Variants in FHOD3 observed in about 807,000 individuals in gnomAD.
The protein encoded by FHOD3 is formin homology 2 domain containing 3, also known as FH1/FH2 domain-containing protein 3.
In FHOD3, 90 loss-of-function variants were observed where a neutral mutation model predicts 173.0. The ratio of observed to expected loss-of-function variants is 0.52; its 90% CI spans 0.44 to 0.62. The LOEUF (loss-of-function observed/expected upper bound fraction) is 0.62, where lower values mean the gene tolerates loss of function less well. FHOD3 is among the 20% of genes least tolerant of loss of function. FHOD3 has a pLI of 0.00. For missense variants in FHOD3, 1,945 were observed against 2,034.7 expected, an observed-to-expected ratio of 0.96 and a Z score of 0.85; for synonymous variants, 828 against 823.0, an observed-to-expected ratio of 1.01 and a Z score of -0.10.
intron 3 of FHOD3, among the ~76,000 whole-genome samples, chr18:36,408,494 G>T (rs537400071): frequency 6.6e-6 from 1 of 152,272 alleles, no homozygotes; most frequent in South Asian, 2.1e-4. Context: ...GCATGGGGGG[G>T]TACAGGGGAA....
At chr18:36,601,393 T>C (rs2031361669) in intron 7 of FHOD3, among the ~76,000 whole-genome samples, 1 of 152,206 alleles carries the variant, frequency 6.6e-6, no homozygotes, top group Non-Finnish European at 1.5e-5. Flanking sequence ...TCCTGTCTTC[T>C]CTGCTTTTCT....
chr18:36,613,087 A>G (rs1176081335), intron 9 of FHOD3, among the ~76,000 whole-genome samples: 1 of 152,236 alleles, frequency 6.6e-6, no homozygotes, highest in Non-Finnish European at 1.5e-5. Context: ...ATCCATCTTG[A>G]AGGGAAACAT....
chr18:36,677,601 T>A (rs2037948351), intron 14 of FHOD3, among the ~76,000 whole-genome samples: 1 of 152,190 alleles, frequency 6.6e-6, no homozygotes, highest in Non-Finnish European at 1.5e-5. Context: ...ACTCCATTCG[T>A]CCATGTTTTC....
intron 7 of FHOD3, among the ~76,000 whole-genome samples, chr18:36,597,158 C>T (rs2030576027): frequency 6.6e-6 from 1 of 152,154 alleles, no homozygotes; most frequent in South Asian, 2.1e-4. Flanking sequence ...TGCTGAGCTT[C>T]CAGCTCGGAG....
At chr18:36,470,655 T>C (rs986744127) in intron 3 of FHOD3, among the ~76,000 whole-genome samples, 2 of 152,208 alleles carry the variant, frequency 1.3e-5, no homozygotes, top group Non-Finnish European at 2.9e-5. Flanking sequence ...GATCCAATCA[T>C]TGGCTTTGTT....
intron 3 of FHOD3, among the ~76,000 whole-genome samples, chr18:36,475,802 A>C (rs977604545): frequency 2.6e-5 from 4 of 151,330 alleles, no homozygotes; most frequent in African/African-American, 7.3e-5. Flanking sequence ...ACACGCATAC[A>C]TACATATATA....
At chr18:36,582,102 T>A (rs560070145) in intron 6 of FHOD3, among the ~76,000 whole-genome samples, 1 of 152,234 alleles carries the variant, frequency 6.6e-6, no homozygotes, top group East Asian at 1.9e-4. Context: ...AGTTGGACAT[T>A]GGGGTTTGTT....
intron 3 of FHOD3, among the ~76,000 whole-genome samples, chr18:36,489,616 G>GTGGGTGC (rs2054362037): frequency 1.3e-5 from 2 of 152,136 alleles, no homozygotes; most frequent in Admixed American, 1.3e-4. Context: ...AGGCTGCAGT[G>GTGGGTGC]AGCCATGTTC....
intron 10 of FHOD3, among the ~76,000 whole-genome samples, chr18:36,645,628 A>G (rs2035627255): frequency 6.6e-6 from 1 of 152,198 alleles, no homozygotes; most frequent in Non-Finnish European, 1.5e-5. Context: ...AAATCTGACA[A>G]GCACATTATA....
intron 28 of FHOD3, among the ~76,000 whole-genome samples, chr18:36,774,169 A>C (rs549831858): frequency 4.0e-4 from 61 of 152,288 alleles, no homozygotes; most frequent in African/African-American, 1.4e-3. Context: ...TGGTGTTCGC[A>C]TTTTAACTGA....
In FHOD3 at chr18:36,742,815, T is replaced by C. The variant is rs1295802772; in HGVS notation, c.3838T>C (p.Ser1280Pro). 6.2e-7 allele frequency: 1 copy of C among 1,614,100 alleles called. No individual in the cohort carries two copies. The highest frequency in any genetic ancestry group is 8.5e-7 in the Non-Finnish European group (1 of 1,179,990). The part of the protein sequence containing the change: ...ENNKTLGFIL[S>P]TLLAIGNFLN... ...CAATAAAACCTTGGGCTTTATCCTG[T>C]CTACTCTCTTAGCCATTGGGAACTT... Residue 1280 changes from serine to proline, a missense_variant, in exon 22 of 29, where the codon TCT becomes CCT. Around this residue, in one of 5 missense-constraint regions of FHOD3, gnomAD observed 231 missense variants for 321.9 expected, o/e 0.72. Transcript: ENST00000590592.
intron 6 of FHOD3, among the ~76,000 whole-genome samples, chr18:36,587,403 A>G (rs2059072871): frequency 6.6e-6 from 1 of 152,188 alleles, no homozygotes; most frequent in African/African-American, 2.4e-5. Flanking sequence ...TCCCAAAGGT[A>G]AGCAGAGTTA....
chr18:36,607,051 T>C (rs550871863), intron 8 of FHOD3, among the ~76,000 whole-genome samples: 2 of 152,226 alleles, frequency 1.3e-5, no homozygotes, highest in South Asian at 4.2e-4. Flanking sequence ...GCGGGCTGGA[T>C]TGCACACTGG....
At chr18:36,427,159 C>G (rs1164023902) in intron 3 of FHOD3, among the ~76,000 whole-genome samples, 2 of 151,918 alleles carry the variant, frequency 1.3e-5, no homozygotes, top group African/African-American at 4.8e-5. Context: ...AAGCAGTTAG[C>G]AAGTTGAATA....
At chr18:36,570,967 G>T (rs774625156) in intron 5 of FHOD3, among the ~76,000 whole-genome samples, 7 of 152,026 alleles carry the variant, frequency 4.6e-5, no homozygotes, top group Non-Finnish European at 8.8e-5. Context: ...ACAAGGCAAG[G>T]GTGTTCACTC....
At chr18:36,741,103 T>A (rs115155035) in intron 21 of FHOD3, among the ~76,000 whole-genome samples, 146 of 152,310 alleles carry the variant, frequency 9.6e-4, no homozygotes, top group African/African-American at 3.4e-3. Flanking sequence ...ATTACATTTT[T>A]TTTTCAGATC....
intron 28 of FHOD3, chr18:36,777,524 C>A (rs2150469036): frequency 6.6e-6 from 1 of 152,274 alleles, no homozygotes. Context: ...TATTTTGTAT[C>A]TTGGTTAAGA....
intron 18 of FHOD3, chr18:36,710,036 T>C (rs1209337337): frequency 1.3e-5 from 2 of 152,280 alleles, no homozygotes; most frequent in Admixed American, 6.5e-5. Context: ...GTATATCTTT[T>C]TGATGTTACA....
At chr18:36,604,568 A>C (rs1265222498) in intron 8 of FHOD3, among the ~76,000 whole-genome samples, 1 of 152,138 alleles carries the variant, frequency 6.6e-6, no homozygotes. Context: ...TGTTAAATGG[A>C]AGTAAACAAA....
Sources: allele counts gnomAD v4.1 joint callset (sites outside exome capture counted in the v4.1 genomes callset), GRCh38; gene constraint gnomAD v4.1.1; regional missense constraint gnomAD v4.1.1; transcripts MANE v1.5; gene names NCBI Gene and HGNC (gene_info 2026-07-23, HGNC 2026-07-21).